The following ATRN variants were observed in gnomAD, a reference collection of about 807,000 sequenced individuals.
ATRN encodes the protein attractin-2.
Under a neutral mutation model 178.7 loss-of-function variants are expected in ATRN, and 54 were observed. The ratio of observed to expected loss-of-function variants is 0.30; its 90% CI spans 0.24 to 0.38. The LOEUF is 0.38. Ranked by LOEUF, ATRN falls within the 10% of genes least tolerant of loss-of-function variation. ATRN has a pLI of 1.00. For missense variants in ATRN, 1,443 were observed against 1,815.1 expected, an observed-to-expected ratio of 0.79 and a Z score of 3.73; for synonymous variants, 636 against 663.0, an observed-to-expected ratio of 0.96 and a Z score of 0.63.
rs765266091 is a variant in ATRN at position 3,647,552 on chromosome 20, C to T, written c.*705C>T. ...TTAATCCATTTGAAACTCTCTCTTC[C>T]TTTCTCTCTGCCTGTCCCTCTCCTT... On this transcript the variant is annotated 3_prime_UTR_variant, in exon 29 of 29. Coordinates refer to ENST00000262919, the MANE Select transcript of ATRN (RefSeq NM_139321.3). The T allele has an allele frequency of 6.6e-6, 1 of 152,174 alleles. No individual in the cohort carries two copies. The highest frequency in any genetic ancestry group is 1.5e-5 in the Non-Finnish European group (1 of 68,034). The allele number at this position is 152,174 out of a possible 1,614,324, so 9.4% of individuals were successfully genotyped here. A position where few individuals can be genotyped will look rare whatever the true frequency, so the allele number is the denominator to read the frequency against.
chr20:3,576,897 C>T lies in ATRN; in HGVS notation c.2253C>T (p.Asn751=). The T allele has an allele frequency of 1.2e-6, 2 of 1,614,104 alleles. No homozygotes were observed. The highest frequency in any genetic ancestry group is 1.7e-6 in the Non-Finnish European group (2 of 1,179,996). ...IFRYENCPKD[N]PMYYCNKKTS... is the part of the protein sequence containing the mutation. ...GGTATGAGAATTGCCCCAAGGATAA[C>T]CCCATGTACTACTGTAACAAGAAGA... The change falls in exon 14 of 29, where the codon AAC becomes AAT. Residue 751 remains asparagine (N), a synonymous_variant. Transcript: ENST00000262919.
intron 1 of ATRN, among the ~76,000 whole-genome samples, chr20:3,523,239 AAAAC>A (rs1158542234): frequency 6.6e-5 from 10 of 151,994 alleles, no homozygotes; most frequent in Admixed American, 5.2e-4. Flanking sequence ...ATGGAGCTGA[AAAAC>A]AAAGCACAAG....
intron 1 of ATRN, among the ~76,000 whole-genome samples, chr20:3,534,994 T>C (rs187614070): frequency 1.3e-5 from 2 of 152,272 alleles, no homozygotes; most frequent in Admixed American, 1.3e-4. Context: ...GTATGTTTTG[T>C]TCATTCCTGT....
At chr20:3,497,300 C>T (rs1382449138) in intron 1 of ATRN, among the ~76,000 whole-genome samples, 4 of 151,382 alleles carry the variant, frequency 2.6e-5, no homozygotes, top group East Asian at 3.9e-4. Flanking sequence ...CGGCTGGTAC[C>T]GGTTGTTCCT....
chr20:3,543,727 GA>G (rs138671464), intron 3 of ATRN, among the ~76,000 whole-genome samples: 36,568 of 134,636 alleles, frequency 0.27, 4,854 homozygotes, highest in African/African-American at 0.31. Flanking sequence ...TCGGTCTCAA[GA>G]AAAAAAAAAA....
At chr20:3,566,875 C>G (rs1206364350) in intron 11 of ATRN, among the ~76,000 whole-genome samples, 1 of 126,060 alleles carries the variant, frequency 7.9e-6, no homozygotes, top group African/African-American at 3.1e-5. Context: ...CCACTGCATT[C>G]CAGCCTGGGC....
At chr20:3,634,196 G>C in intron 25 of ATRN, 115 bp from the exon 26 acceptor site, 1 of 828,232 alleles carries the variant, frequency 1.2e-6, no homozygotes, top group Non-Finnish European at 2.0e-6. Flanking sequence ...GCATCAGAAG[G>C]GAGCCCGGAG....
intron 1 of ATRN, among the ~76,000 whole-genome samples, chr20:3,497,947 A>G (rs539172392): frequency 6.6e-6 from 1 of 152,278 alleles, no homozygotes; most frequent in South Asian, 2.1e-4. Flanking sequence ...AGCAAGACTA[A>G]TAAAGAAAAA....
chr20:3,634,148 A>G (rs2146322501), intron 25 of ATRN, among the ~76,000 whole-genome samples, 163 bp from the exon 26 acceptor site: 1 of 152,244 alleles, frequency 6.6e-6, no homozygotes, highest in African/African-American at 2.4e-5. Context: ...AAGTTGTCTC[A>G]CTCATTACCT....
chr20:3,639,005 A>G, intron 27 of ATRN, 70 bp downstream of exon 27: 2 of 1,278,134 alleles, frequency 1.6e-6, no homozygotes, highest in African/African-American at 3.0e-5. Flanking sequence ...CTGGGAAACC[A>G]GAGAGAGCAA....
intron 2 of ATRN, among the ~76,000 whole-genome samples, chr20:3,537,093 G>A (rs956077092): frequency 1.3e-5 from 2 of 152,134 alleles, no homozygotes; most frequent in Admixed American, 6.5e-5. Flanking sequence ...TCCATATGTT[G>A]ATATATTTAT....
chr20:3,546,680 T>G (rs2085707791), intron 4 of ATRN, among the ~76,000 whole-genome samples: 1 of 152,128 alleles, frequency 6.6e-6, no homozygotes, highest in African/African-American at 2.4e-5. Context: ...CGTGAGCCAC[T>G]GCGCCTGGCC....
intron 1 of ATRN, among the ~76,000 whole-genome samples, chr20:3,534,848 TGTA>T (rs934254915): frequency 3.9e-5 from 6 of 152,140 alleles, no homozygotes. Flanking sequence ...GGCTCAAGCC[TGTA>T]ATTCTGGTGC....
chr20:3,487,029 G>C (rs2084704137), intron 1 of ATRN, among the ~76,000 whole-genome samples: 1 of 151,828 alleles, frequency 6.6e-6, no homozygotes, highest in Non-Finnish European at 1.5e-5. Context: ...GTTGCATTCA[G>C]GATAATTTCC....
At chr20:3,626,516 C>G (rs1315203948) in intron 25 of ATRN, among the ~76,000 whole-genome samples, 2 of 152,146 alleles carry the variant, frequency 1.3e-5, no homozygotes, top group Non-Finnish European at 2.9e-5. Flanking sequence ...AATATTATCT[C>G]TTGTTCACCC....
intron 12 of ATRN, among the ~76,000 whole-genome samples, chr20:3,574,187 G>GT (rs1198834276): frequency 6.6e-6 from 1 of 151,678 alleles, no homozygotes; most frequent in East Asian, 1.9e-4. Context: ...GCTGCTCCAA[G>GT]TTAAACTTTT....
chr20:3,483,776 A>T (rs186309290), intron 1 of ATRN, among the ~76,000 whole-genome samples: 106 of 152,248 alleles, frequency 7.0e-4, no homozygotes, highest in African/African-American at 2.4e-3. Flanking sequence ...TCAGGTTGAC[A>T]TGCAGTTGAC....
chr20:3,614,547 T>C (rs1440043051), intron 24 of ATRN, among the ~76,000 whole-genome samples: 1 of 152,186 alleles, frequency 6.6e-6, no homozygotes. Flanking sequence ...TAGAGTTCTG[T>C]TTATGGGTGC....
chr20:3,560,847 C>T lies in ATRN; in HGVS notation c.1389C>T (p.Val463=), dbSNP rs754990489. The T allele has an allele frequency of 6.2e-7, 1 of 1,614,074 alleles. No homozygotes were observed. Among genetic ancestry groups the T allele is most frequent in the Non-Finnish European group, 8.5e-7 (1 of 1,180,012 alleles). ...AGAATGGCCGAGTGGTCATGCTGGT[C>T]ATCTTTGGTCACTGCCCTCTCTATG... is the stretch of plus-strand genomic sequence containing the variant. ...TLKNGRVVML[V]IFGHCPLYGY... Residue 463 remains valine, a synonymous_variant, in exon 8 of 29, where the codon GTC becomes GTT. Transcript: ENST00000262919.
Sources: gnomAD v4.1 joint callset for allele counts (sites outside exome capture counted in the v4.1 genomes callset) on GRCh38, gnomAD v4.1.1 for gene constraint, MANE v1.5 for transcripts, NCBI Gene and HGNC (gene_info 2026-07-23, HGNC 2026-07-21) for gene names.